PRKG1: variants seen among roughly 807,000 people sequenced by gnomAD.
PRKG1 encodes cGMP-dependent protein kinase 1.
PRKG1 carries 35 observed loss-of-function variants against 88.1 expected under a neutral mutation model. The observed-to-expected ratio is 0.40, with a 90% CI of 0.30 to 0.53. The LOEUF (loss-of-function observed/expected upper bound fraction) is 0.53, where lower values mean the gene tolerates loss of function less well. PRKG1 is among the 20% of genes least tolerant of loss of function. PRKG1 has a pLI of 0.59. For missense variants in PRKG1, 540 were observed against 839.8 expected (o/e 0.64, Z 4.41); for synonymous variants, 303 against 292.5 (o/e 1.04, Z -0.37).
At chr10:51,944,230 G>A (rs1268481558) in intron 5 of PRKG1, among the ~76,000 whole-genome samples, 7 of 152,012 alleles carry the variant, frequency 4.6e-5, no homozygotes, top group African/African-American at 1.7e-4. Flanking sequence ...AGATTTTCTA[G>A]TTTATTTGCA....
chr10:51,731,710 A>C (rs944676820), intron 3 of PRKG1, among the ~76,000 whole-genome samples: 1 of 152,232 alleles, frequency 6.6e-6, no homozygotes, highest in East Asian at 1.9e-4. Flanking sequence ...TGTCTCTCAA[A>C]GGAGAAGTTT....
chr10:51,717,176 T>A (rs1402052990), intron 3 of PRKG1, among the ~76,000 whole-genome samples: 1 of 152,174 alleles, frequency 6.6e-6, no homozygotes, highest in Non-Finnish European at 1.5e-5. Context: ...AGAGCAAGAC[T>A]TAAGACTGGG....
intron 5 of PRKG1, among the ~76,000 whole-genome samples, chr10:51,960,988 C>T (rs1843433854): frequency 6.6e-6 from 1 of 152,146 alleles, no homozygotes; most frequent in African/African-American, 2.4e-5. Context: ...GATATGTGTT[C>T]TGCCAGTCTT....
At chr10:51,447,696 A>C (rs1839316019) in intron 2 of PRKG1, among the ~76,000 whole-genome samples, 1 of 151,838 alleles carries the variant, frequency 6.6e-6, no homozygotes, top group Admixed American at 6.6e-5. Flanking sequence ...CACCATTTCC[A>C]TAACTAGACA....
intron 3 of PRKG1, among the ~76,000 whole-genome samples, chr10:51,578,960 G>A (rs1216585385): frequency 8.2e-6 from 1 of 122,436 alleles, no homozygotes; most frequent in Non-Finnish European, 1.7e-5. Flanking sequence ...TTCCAGAAGA[G>A]TTTGGAATAA....
chr10:51,235,508 T>C (rs1263522269), intron 2 of PRKG1, among the ~76,000 whole-genome samples: 3 of 152,224 alleles, frequency 2.0e-5, no homozygotes, highest in African/African-American at 7.2e-5. Context: ...AAAGTTCTTT[T>C]GGTTTTTGTC....
At chr10:51,273,438 C>T (rs974875439) in intron 2 of PRKG1, among the ~76,000 whole-genome samples, 10 of 151,846 alleles carry the variant, frequency 6.6e-5, no homozygotes, top group South Asian at 4.2e-4. Context: ...GTGGGAGGAT[C>T]GCTGGAGTCC....
intron 1 of PRKG1, among the ~76,000 whole-genome samples, chr10:51,136,076 C>G (rs1165888349): frequency 6.6e-6 from 1 of 151,584 alleles, no homozygotes; most frequent in Non-Finnish European, 1.5e-5. Context: ...ATGTAACTAA[C>G]CTGCACATTG....
chr10:51,725,583 T>C (rs964737744), intron 3 of PRKG1, among the ~76,000 whole-genome samples: 5 of 151,986 alleles, frequency 3.3e-5, no homozygotes, highest in Non-Finnish European at 7.4e-5. Context: ...AGAGCATGCT[T>C]ATGTTGGTGG....
chr10:51,555,848 G>T (rs1837296488), intron 3 of PRKG1, among the ~76,000 whole-genome samples: 2 of 151,940 alleles, frequency 1.3e-5, no homozygotes, highest in South Asian at 4.1e-4. Context: ...GGATGAGCAG[G>T]ACTAGCTGTT....
intron 2 of PRKG1, among the ~76,000 whole-genome samples, chr10:51,330,269 G>A (rs1046999035): frequency 3.3e-5 from 5 of 151,474 alleles, no homozygotes; most frequent in African/African-American, 1.2e-4. Context: ...TCCTGCCTCA[G>A]CCTCCCGAGT....
chr10:52,246,836 A>G (rs1427539297), intron 9 of PRKG1, among the ~76,000 whole-genome samples: 2 of 136,580 alleles, frequency 1.5e-5, no homozygotes, highest in Non-Finnish European at 3.0e-5. Flanking sequence ...AGATCATGCC[A>G]TTGCACTCCA....
At chr10:51,058,460 A>G (rs974660850) in intron 1 of PRKG1, among the ~76,000 whole-genome samples, 4 of 152,116 alleles carry the variant, frequency 2.6e-5, no homozygotes, top group East Asian at 1.9e-4. Context: ...CTACCCCAGT[A>G]TCCAGTATTC....
intron 3 of PRKG1, among the ~76,000 whole-genome samples, chr10:51,633,019 C>A (rs1839566495): frequency 6.6e-6 from 1 of 152,078 alleles, no homozygotes; most frequent in Non-Finnish European, 1.5e-5. Flanking sequence ...GTAGTCTTTA[C>A]ATTTAGTTTT....
chr10:51,260,038 A>G (rs1208347992), intron 2 of PRKG1, among the ~76,000 whole-genome samples: 6 of 152,324 alleles, frequency 3.9e-5, no homozygotes, highest in Non-Finnish European at 5.9e-5. Flanking sequence ...ACACACACAT[A>G]TGCATACACT....
At chr10:51,482,698 G>A (rs1219619463) in intron 3 of PRKG1, among the ~76,000 whole-genome samples, 1 of 152,160 alleles carries the variant, frequency 6.6e-6, no homozygotes, top group Non-Finnish European at 1.5e-5. Flanking sequence ...AGGCAAGGGA[G>A]TATGGTGGCA....
At chr10:51,733,702 A>G (rs1837180472) in intron 3 of PRKG1, among the ~76,000 whole-genome samples, 1 of 152,202 alleles carries the variant, frequency 6.6e-6, no homozygotes, top group Non-Finnish European at 1.5e-5. Flanking sequence ...AAGCAAATCA[A>G]TACTGAGCTC....
At chr10:51,072,412 A>G (rs1350165632), upstream of PRKG1, among the ~76,000 whole-genome samples, 1 of 152,194 alleles carries the variant, frequency 6.6e-6, no homozygotes, top group Non-Finnish European at 1.5e-5. Flanking sequence ...CCCACAGGTT[A>G]AATAAGAATT....
At chr10:51,979,474 T>C (rs1283418388) in intron 5 of PRKG1, among the ~76,000 whole-genome samples, 1 of 133,856 alleles carries the variant, frequency 7.5e-6, no homozygotes, top group East Asian at 2.6e-4. Context: ...AGGATGACGC[T>C]GGCCTCATAG....
Sources: allele counts gnomAD v4.1 joint callset (sites outside exome capture counted in the v4.1 genomes callset), GRCh38; gene constraint gnomAD v4.1.1; transcripts MANE v1.5; gene names NCBI Gene and HGNC (gene_info 2026-07-23, HGNC 2026-07-21).